PLB1: variants seen among roughly 807,000 people sequenced by gnomAD.
PLB1 encodes the protein phospholipase B1.
Under a neutral mutation model 227.4 loss-of-function variants are expected in PLB1, and 242 were observed. The ratio of observed to expected loss-of-function variants is 1.06; its 90% CI spans 0.96 to 1.18. PLB1 has a LOEUF of 1.18. PLB1 is among the 50% of genes most tolerant of loss of function. The pLI is 0.00. For missense variants in PLB1, 1,858 were observed against 1,816.3 expected, an observed-to-expected ratio of 1.02 and a Z score of -0.42; for synonymous variants, 757 against 682.2, an observed-to-expected ratio of 1.11 and a Z score of -1.71.
At chr2:28,639,067 A>T (rs1270872900) in intron 56 of PLB1, among the ~76,000 whole-genome samples, 1 of 58,934 alleles carries the variant, frequency 1.7e-5, no homozygotes, top group Non-Finnish European at 4.2e-5. Context: ...GATTCCATCT[A>T]AAAAAAAAAA....
intron 43 of PLB1, among the ~76,000 whole-genome samples, chr2:28,607,463 A>C (rs1348668298): frequency 6.6e-6 from 1 of 152,174 alleles, no homozygotes; most frequent in East Asian, 1.9e-4. Flanking sequence ...GCTCAGGCTC[A>C]GTCTTGTGTG....
At chr2:28,571,708 A>G (rs1347038191) in intron 20 of PLB1, among the ~76,000 whole-genome samples, 3 of 152,210 alleles carry the variant, frequency 2.0e-5, no homozygotes, top group Non-Finnish European at 4.4e-5. Context: ...CGTCTTTTCA[A>G]TAAACTGTGC....
intron 14 of PLB1, 22 bp from the exon 15 acceptor site, chr2:28,548,838 T>G: frequency 6.2e-7 from 1 of 1,613,820 alleles, no homozygotes; most frequent in Non-Finnish European, 8.5e-7. Flanking sequence ...TTCCCTGTTC[T>G]AAAGCCCACG....
intron 33 of PLB1, chr2:28,594,325 T>C (rs932326922): frequency 1.8e-4 from 40 of 227,248 alleles, no homozygotes; most frequent in Admixed American, 1.5e-4. Context: ...GTGGAGAAGC[T>C]CAGGGTGTGT....
chr2:28,604,939 A>AC (rs1684454269), intron 41 of PLB1, among the ~76,000 whole-genome samples, 180 bp downstream of exon 41: 2 of 152,012 alleles, frequency 1.3e-5, no homozygotes, highest in Non-Finnish European at 2.9e-5. Context: ...GGCTCCCATG[A>AC]CCCCTGTAAC....
At chr2:28,592,454 T>G (rs1464667286) in intron 31 of PLB1, among the ~76,000 whole-genome samples, 2 of 151,740 alleles carry the variant, frequency 1.3e-5, no homozygotes, top group African/African-American at 4.8e-5. Context: ...TCTGCACCTC[T>G]CTTTCCCTGT....
rs144343971 is a variant in PLB1 at position 28,496,064 on chromosome 2, A to G, written c.-51A>G. 13 of 1,567,826 alleles carry G rather than the reference A, an allele frequency of 8.3e-6. No individual in the cohort carries two copies. In the African/African-American group the frequency reaches 1.1e-4, roughly 13 times the overall value. ...CAGGAGGAGGTGTGATAGCCCATCCATCTGCTGGAGCAGCTCTTCCAGAGG... is the reference window on the plus strand; with the variant it reads ...CAGGAGGAGGTGTGATAGCCCATCCGTCTGCTGGAGCAGCTCTTCCAGAGG... On this transcript the variant is annotated 5_prime_UTR_variant, in exon 1 of 58. Coordinates refer to ENST00000327757, the MANE Select transcript of PLB1 (RefSeq NM_153021.5).
At position 28,642,854 on chromosome 2, in the gene PLB1, A is replaced by G. The variant is rs1219757227; in HGVS notation, c.4174-4A>G. 6.3e-7 allele frequency: 1 copy of G among 1,586,902 alleles called. No homozygotes were observed. The highest frequency in any genetic ancestry group is 8.6e-7 in the Non-Finnish European group (1 of 1,164,158). ...TTCCACTGACCCCCGCTCCTCCTCC[A>G]CAGGAGAGCCCTTACCTCTACACCC... On this transcript the variant is annotated splice_region_variant and splice_polypyrimidine_tract_variant and intron_variant, in intron 57 of 57. Transcript: ENST00000327757.
At chr2:28,640,191 G>A (rs760658502) in intron 56 of PLB1, among the ~76,000 whole-genome samples, 47 of 152,282 alleles carry the variant, frequency 3.1e-4, no homozygotes, top group Middle Eastern at 6.8e-3. Flanking sequence ...GAGGCTAGAC[G>A]TTCCAAACAG....
At chr2:28,560,724 G>C (rs919095158) in intron 17 of PLB1, among the ~76,000 whole-genome samples, 1 of 152,176 alleles carries the variant, frequency 6.6e-6, no homozygotes, top group African/African-American at 2.4e-5. Flanking sequence ...GAAGAAGCCA[G>C]ACACAAAGAG....
chr2:28,636,748 A>G (rs1689405269), intron 56 of PLB1, among the ~76,000 whole-genome samples: 1 of 152,194 alleles, frequency 6.6e-6, no homozygotes, highest in Non-Finnish European at 1.5e-5. Context: ...ACAGCTGAAC[A>G]AACTTCAACA....
rs558108180 is a variant in PLB1 at position 28,577,159 on chromosome 2, T to C, written c.1434-948T>C. On this transcript the variant is annotated intron_variant, in intron 21 of 57. Coordinates refer to ENST00000327757, the MANE Select transcript of PLB1 (RefSeq NM_153021.5). ...AGGGAAAAACTGAGGATTTGCAGGA[T>C]CAAGTAGTCGGCCAAGGTCTCAGAG... Among the ~76,000 whole-genome samples the C allele has an allele frequency of 3.9e-5, 6 of 152,306 alleles. No individual in the cohort carries two copies. In the South Asian group the frequency reaches 1.2e-3, roughly 32 times the overall value.
chr2:28,607,721 C>CT (rs35775015), intron 43 of PLB1, among the ~76,000 whole-genome samples: 10,996 of 152,054 alleles, frequency 0.072, 559 homozygotes, highest in Non-Finnish European at 0.11. Flanking sequence ...CTAAGGATGC[C>CT]TGGGGGTTCT....
intron 55 of PLB1, 30 bp downstream of exon 55, chr2:28,632,170 C>A (rs370798403): frequency 6.5e-7 from 1 of 1,545,706 alleles, no homozygotes; most frequent in African/African-American, 1.4e-5. Context: ...GGGAGGCTCA[C>A]GTATGGGGGC....
intron 19 of PLB1, among the ~76,000 whole-genome samples, chr2:28,565,625 C>T (rs1320737584): frequency 1.3e-5 from 2 of 152,188 alleles, no homozygotes; most frequent in Non-Finnish European, 2.9e-5. Flanking sequence ...TTCCATTTCT[C>T]CCTCTGTGAT....
At position 28,529,383 on chromosome 2, in the gene PLB1, G is replaced by C. The variant is rs1174345381; in HGVS notation, c.392G>C (p.Arg131Thr). The change falls in exon 7 of 58, where the codon AGA becomes ACA. Residue 131 changes from arginine (R) to threonine (T), a missense_variant. By Grantham distance (71) the Arg-to-Thr change is moderately conservative. Coordinates refer to ENST00000327757, the MANE Select transcript of PLB1 (RefSeq NM_153021.5). ...ATGCCTGTGTGCCACACTGGAAAGA[G>C]AGTCATACCCCACGATGGTGCTGAG... is the stretch of plus-strand genomic sequence containing the variant. ...VPMPVCHTGK[R>T]VIPHDGAEDL... 2 of 1,607,950 alleles carry C rather than the reference G, an allele frequency of 1.2e-6. No homozygotes were observed. The highest frequency in any genetic ancestry group is 3.3e-5 in the Admixed American group (2 of 60,016).
intron 55 of PLB1, 29 bp from the exon 56 acceptor site, chr2:28,632,915 G>A (rs1464487057): frequency 6.4e-7 from 1 of 1,573,174 alleles, no homozygotes. Flanking sequence ...CCTTTCCCAG[G>A]ATGATAACCT....
At chr2:28,586,876 T>A (rs1680989016) in intron 26 of PLB1, among the ~76,000 whole-genome samples, 1 of 152,124 alleles carries the variant, frequency 6.6e-6, no homozygotes, top group African/African-American at 2.4e-5. Flanking sequence ...GTCCCCCAAG[T>A]AGCTGGGACT....
At position 28,529,410 on chromosome 2, in the gene PLB1, A is replaced by G. The variant is rs370717447; in HGVS notation, c.416+3A>G. 62 of 1,589,198 alleles carry G rather than the reference A, an allele frequency of 3.9e-5. No individual in the cohort carries two copies. Among genetic ancestry groups the G allele is most frequent in the Non-Finnish European group, 4.9e-5 (57 of 1,157,546 alleles). On this transcript the variant is annotated splice_donor_region_variant and intron_variant, in intron 7 of 57. Transcript: ENST00000327757. ...GTCATACCCCACGATGGTGCTGAGT[A>G]AGTTCCCTTTCTGTCTCTCTCTGAG... is the stretch of plus-strand genomic sequence containing the variant.
Sources: allele counts gnomAD v4.1 joint callset (sites outside exome capture counted in the v4.1 genomes callset), GRCh38; gene constraint gnomAD v4.1.1; transcripts MANE v1.5; gene names NCBI Gene and HGNC (gene_info 2026-07-23, HGNC 2026-07-21).